Variants in FBXO11 observed in about 807,000 individuals in gnomAD.
FBXO11 encodes the protein F-box only protein 11.
Under a neutral mutation model 117.0 loss-of-function variants are expected in FBXO11, and 13 were observed. That is an observed-to-expected ratio of 0.11 (90% CI 0.07 to 0.18). The LOEUF (loss-of-function observed/expected upper bound fraction) is 0.18, where lower values mean the gene tolerates loss of function less well. Among genes scored for constraint, FBXO11 ranks in the 10% least tolerant of loss-of-function variants. The pLI is 1.00. For synonymous variants in FBXO11, 490 were observed against 380.5 expected, an observed-to-expected ratio of 1.29 and a Z score of -3.35; for missense variants, 767 against 1,164.4, an observed-to-expected ratio of 0.66 and a Z score of 4.97.
intron 1 of FBXO11, among the ~76,000 whole-genome samples, chr2:47,873,874 T>C (rs1171014615): frequency 6.6e-6 from 1 of 152,250 alleles, no homozygotes; most frequent in Non-Finnish European, 1.5e-5. Context: ...TGTGTTCCTC[T>C]GCTTTGAGTA....
intron 1 of FBXO11, among the ~76,000 whole-genome samples, chr2:47,856,223 C>A (rs1249538129): frequency 6.6e-6 from 1 of 152,102 alleles, no homozygotes; most frequent in Non-Finnish European, 1.5e-5. Flanking sequence ...CTCACCAAAC[C>A]ACCAAACAAG....
At chr2:47,835,665 T>G (rs760378833) in intron 5 of FBXO11, among the ~76,000 whole-genome samples, 1 of 152,126 alleles carries the variant, frequency 6.6e-6, no homozygotes, top group East Asian at 1.9e-4. Context: ...GTCCGGCTAA[T>G]TTTTGTATTT....
rs1177781485 is a variant in FBXO11 at position 47,905,873 on chromosome 2, G to C, written c.-153C>G. The stretch of plus-strand genomic sequence containing the variant: ...GGGAGACGCTGAGGGCGGAGGGGGC[G>C]AGCGGGACCCCGAGTCCGGAGAAAG... On this transcript the variant is annotated 5_prime_UTR_variant, in exon 1 of 23. Coordinates refer to ENST00000403359, the MANE Select transcript of FBXO11 (RefSeq NM_001190274.2). 1.3e-6 allele frequency: 1 copy of C among 752,298 alleles called. No homozygotes were observed. The highest frequency in any genetic ancestry group is 2.0e-6 in the Non-Finnish European group (1 of 510,606). The allele number at this position is 752,298 out of a possible 1,614,324, so 46.6% of individuals were successfully genotyped here.
chr2:47,869,113 T>G (rs1675418103), intron 1 of FBXO11, among the ~76,000 whole-genome samples: 1 of 152,210 alleles, frequency 6.6e-6, no homozygotes, highest in African/African-American at 2.4e-5. Context: ...TATACAGTGT[T>G]ATTTCTTCCA....
At chr2:47,860,698 C>T (rs890830459) in intron 1 of FBXO11, among the ~76,000 whole-genome samples, 3 of 151,816 alleles carry the variant, frequency 2.0e-5, no homozygotes, top group South Asian at 2.1e-4. Context: ...TGAGCCACCA[C>T]GCCCAGCCTA....
At chr2:47,881,944 C>T (rs1484145285) in intron 1 of FBXO11, among the ~76,000 whole-genome samples, 2 of 152,234 alleles carry the variant, frequency 1.3e-5, no homozygotes, top group Non-Finnish European at 1.5e-5. Context: ...GACAGGGTTT[C>T]ACCATGATGG....
At chr2:47,860,497 G>A (rs898267313) in intron 1 of FBXO11, among the ~76,000 whole-genome samples, 21 of 148,076 alleles carry the variant, frequency 1.4e-4, no homozygotes, top group Admixed American at 4.8e-4. Context: ...TGAAACCTCC[G>A]CCTCCCAGGT....
rs1414537966 is a variant in FBXO11 at position 47,819,161 on chromosome 2, A to G, written c.1798-83T>C. 4 of 1,420,974 alleles carry G rather than the reference A, an allele frequency of 2.8e-6. No homozygotes were observed. The African/African-American group carries it at 5.8e-5, about 21-fold the overall frequency. The allele number at this position is 1,420,974 out of a possible 1,614,324, so 88.0% of individuals were successfully genotyped here. Reference sequence around the variant, plus strand: ...TCTGTTACCCCCTTTATAGACAGTTAAAAAATTTTCCATTTTTGTTTTTTC... The same window carrying G: ...TCTGTTACCCCCTTTATAGACAGTTGAAAAATTTTCCATTTTTGTTTTTTC... On this transcript the variant is annotated intron_variant, in intron 14 of 22. Coordinates refer to ENST00000403359, the MANE Select transcript of FBXO11 (RefSeq NM_001190274.2).
At chr2:47,851,885 A>G (rs1238687448) in intron 1 of FBXO11, among the ~76,000 whole-genome samples, 1 of 152,234 alleles carries the variant, frequency 6.6e-6, no homozygotes, top group Non-Finnish European at 1.5e-5. Context: ...TCCTTTGTGA[A>G]TTCACACAAG....
At chr2:47,900,471 C>A (rs1283754757) in intron 1 of FBXO11, among the ~76,000 whole-genome samples, 1 of 151,910 alleles carries the variant, frequency 6.6e-6, no homozygotes, top group Admixed American at 6.6e-5. Context: ...CTGACTAGAA[C>A]AGCAAGGAGT....
At chr2:47,878,067 C>T (rs1420435250) in intron 1 of FBXO11, among the ~76,000 whole-genome samples, 2 of 152,192 alleles carry the variant, frequency 1.3e-5, no homozygotes, top group African/African-American at 2.4e-5. Context: ...CAGCTTTTAC[C>T]CAGGAGGCTG....
intron 1 of FBXO11, among the ~76,000 whole-genome samples, chr2:47,899,231 G>A (rs1009730868): frequency 2.1e-5 from 3 of 140,212 alleles, no homozygotes; most frequent in East Asian, 2.1e-4. Flanking sequence ...CCGAAATCGC[G>A]CCACTGTACT....
At chr2:47,863,135 T>G (rs901499249) in intron 1 of FBXO11, among the ~76,000 whole-genome samples, 2 of 149,608 alleles carry the variant, frequency 1.3e-5, no homozygotes, top group African/African-American at 4.9e-5. Flanking sequence ...GAAACAAAAG[T>G]TTTCCCCTTG....
intron 1 of FBXO11, among the ~76,000 whole-genome samples, chr2:47,867,007 T>C (rs1298815966): frequency 1.3e-5 from 2 of 152,218 alleles, no homozygotes; most frequent in African/African-American, 4.8e-5. Flanking sequence ...GGCCCTCTGA[T>C]GATACTCACA....
At chr2:47,857,883 G>A (rs1674434688) in intron 1 of FBXO11, among the ~76,000 whole-genome samples, 1 of 152,060 alleles carries the variant, frequency 6.6e-6, no homozygotes, top group South Asian at 2.1e-4. Context: ...GAATCATAAG[G>A]CAGACGCAGC....
intron 1 of FBXO11, among the ~76,000 whole-genome samples, chr2:47,891,127 C>T (rs996000631): frequency 6.6e-6 from 1 of 152,078 alleles, no homozygotes; most frequent in African/African-American, 2.4e-5. Flanking sequence ...AAAACTATTA[C>T]TTTTTACTTT....
intron 11 of FBXO11, among the ~76,000 whole-genome samples, chr2:47,830,178 G>A (rs1179059939): frequency 6.6e-6 from 1 of 152,132 alleles, no homozygotes; most frequent in Non-Finnish European, 1.5e-5. Context: ...GGATACTGAG[G>A]TAGAAGAGCA....
intron 1 of FBXO11, among the ~76,000 whole-genome samples, chr2:47,899,243 C>T (rs1175355050): frequency 7.2e-6 from 1 of 139,438 alleles, no homozygotes; most frequent in East Asian, 2.1e-4. Flanking sequence ...CACTGTACTC[C>T]AGCCTGGGCG....
At chr2:47,812,919 T>C in intron 18 of FBXO11, 1 of 304,396 alleles carries the variant, frequency 3.3e-6, no homozygotes, top group Non-Finnish European at 6.2e-6. Context: ...CATCTATTTC[T>C]ATAACTTGAC....
Sources: gnomAD v4.1 joint callset for allele counts (sites outside exome capture counted in the v4.1 genomes callset) on GRCh38, gnomAD v4.1.1 for gene constraint, MANE v1.5 for transcripts, NCBI Gene and HGNC (gene_info 2026-07-23, HGNC 2026-07-21) for gene names.